Variants in MCF2L observed in about 807,000 individuals in gnomAD.
The protein encoded by MCF2L is guanine nucleotide exchange factor DBS.
In MCF2L, 97 loss-of-function variants were observed where a neutral mutation model predicts 153.4. That is an observed-to-expected ratio of 0.63 (90% confidence interval 0.54 to 0.75). The LOEUF is 0.75. Among genes scored for constraint, MCF2L ranks in the 30% least tolerant of loss-of-function variants. MCF2L has a pLI of 0.00. For missense variants in MCF2L, 1,347 were observed against 1,495.2 expected, an observed-to-expected ratio of 0.90 and a Z score of 1.64; for synonymous variants, 659 against 632.2, an observed-to-expected ratio of 1.04 and a Z score of -0.64.
chr13:112,917,009 A>G lies in MCF2L; in HGVS notation c.169+14638A>G. ...TCCCTCTTCCCACTCCAGGGCAGTC[A>G]TCCTCCCTCATCGCCAAGTCTGAGT... On this transcript the variant is annotated intron_variant, in intron 2 of 29. Transcript: ENST00000375608. The G allele has an allele frequency of 6.5e-6, 3 of 462,508 alleles. No individual in the cohort carries two copies. In the East Asian group the frequency reaches 2.1e-4, roughly 32 times the overall value. 28.7% of individuals were successfully genotyped at this position (462,508 alleles called of 1,614,324 possible). A position where few individuals can be genotyped will look rare whatever the true frequency, so the allele number is the denominator to read the frequency against.
Position 113,060,639 on chromosome 13 carries a change from C to T in MCF2L, c.416C>T (p.Thr139Met), listed in dbSNP as rs768781714. 2.7e-5 allele frequency: 44 copies of T among 1,613,558 alleles called. No homozygotes were observed. Among genetic ancestry groups the T allele is most frequent in the Non-Finnish European group, 3.3e-5 (39 of 1,179,990 alleles). Residue 139 changes from threonine (T) to methionine (M), a missense_variant, in exon 5 of 30, where the codon ACG (threonine) becomes ATG (methionine). By Grantham distance (81) the Thr-to-Met change is moderately conservative (BLOSUM62 -1). This residue lies in a region of MCF2L where 820 missense variants were observed against 921.2 expected (regional missense o/e 0.89). Coordinates refer to ENST00000535094, the MANE Select transcript of MCF2L (RefSeq NM_001112732.3). ...CAGCTCGTCCTCGTGCTTCGCCCGA[C>T]GGGTTTTTTCCAAAGGACTCTCTCC... ...NLQLVLVLRP[T>M]GFFQRTLSDI...
intron 21 of MCF2L, among the ~76,000 whole-genome samples, chr13:113,086,584 G>A (rs2034657248): frequency 6.6e-6 from 1 of 152,200 alleles, no homozygotes; most frequent in African/African-American, 2.4e-5. Flanking sequence ...GCTCGGAGCA[G>A]ACGTGACTTC....
rs1322323256 is a variant in MCF2L, at chr13:113,057,228, CT to C, written c.370-3364del. Among the ~76,000 whole-genome samples the C allele has an allele frequency of 1.1e-4, 14 of 132,984 alleles. No individual in the cohort carries two copies. The South Asian group carries it at 1.5e-3, about 14-fold the overall frequency. 87.2% of individuals were successfully genotyped at this position (132,984 alleles called of 152,430 possible). A position where few individuals can be genotyped will look rare whatever the true frequency, so the allele number is the denominator to read the frequency against. ...TGTTTAGGTGCTGTGTGTTTGGGTA[CT>C]GAGTGGGTGCTGTGTTTAGGTGCTG... is the stretch of plus-strand genomic sequence containing the variant. On this transcript the variant is annotated intron_variant, in intron 4 of 29. Coordinates refer to ENST00000535094, the MANE Select transcript of MCF2L (RefSeq NM_001112732.3).
At chr13:112,930,817 A>T (rs2081455047) in intron 2 of MCF2L, among the ~76,000 whole-genome samples, 1 of 152,246 alleles carries the variant, frequency 6.6e-6, no homozygotes, top group Middle Eastern at 3.4e-3. Context: ...CGTGCCTGTA[A>T]TCCCAGCTAC....
intron 3 of MCF2L, among the ~76,000 whole-genome samples, chr13:113,038,231 C>T (rs138737545): frequency 2.6e-5 from 4 of 152,026 alleles, no homozygotes; most frequent in East Asian, 3.9e-4. Flanking sequence ...TTTGGGAGGC[C>T]GAGGTGGGTG....
chr13:113,064,584 A>G lies in MCF2L; in HGVS notation c.606+164A>G, dbSNP rs2032063286. 1.6e-6 allele frequency: 1 copy of G among 610,302 alleles called. No homozygotes were observed. The highest frequency in any genetic ancestry group is 2.7e-5 in the Admixed American group (1 of 36,872). The allele number at this position is 610,302 out of a possible 1,614,324, so 37.8% of individuals were successfully genotyped here. A position where few individuals can be genotyped will look rare whatever the true frequency, so the allele number is the denominator to read the frequency against. Reference sequence around the variant, plus strand: ...GGTCTCAGTGGACCTTAGTCATTGTAAAGAAGTAACGTGAGTCATAAGTTT... The same window carrying G: ...GGTCTCAGTGGACCTTAGTCATTGTGAAGAAGTAACGTGAGTCATAAGTTT... On this transcript the variant is annotated intron_variant, in intron 6 of 29. Transcript: ENST00000535094. The surrounding 1 kb of genome is among the most constrained non-coding windows in gnomAD (Gnocchi z 6.0).
rs1191053853 is a variant in MCF2L at position 113,046,327 on chromosome 13, G to A, written c.369+966G>A. 2.3e-5 allele frequency: 7 copies of A among 307,070 alleles called. No homozygotes were observed. Among genetic ancestry groups the A allele is most frequent in the African/African-American group, 1.3e-4 (6 of 44,824 alleles). 19.0% of individuals were successfully genotyped at this position (307,070 alleles called of 1,614,324 possible). A position where few individuals can be genotyped will look rare whatever the true frequency, so the allele number is the denominator to read the frequency against. On this transcript the variant is annotated intron_variant, in intron 4 of 29. Coordinates refer to ENST00000535094, the MANE Select transcript of MCF2L (RefSeq NM_001112732.3). The surrounding 1 kb of genome is among the most constrained non-coding windows in gnomAD (Gnocchi z 4.4). ...CAGGCACCTGCATGTTCTCACGCCC[G>A]CCACAGCCCGTCCCTCCCAGGCTCT...
chr13:113,079,813 C>T (rs2033912394), intron 15 of MCF2L, among the ~76,000 whole-genome samples: 1 of 41,254 alleles, frequency 2.4e-5, no homozygotes, highest in Non-Finnish European at 5.6e-5. Context: ...AGAGGAATGT[C>T]TGAATGGAGG....
At position 113,027,061 on chromosome 13, in the gene MCF2L, T is replaced by A; in HGVS notation, c.278+2303T>A. ...CACACACCAAGTAAAAACAGAAATA[T>A]CCTTAAATATGGCATCTGTATCCCG... On this transcript the variant is annotated intron_variant, in intron 3 of 29. Transcript: ENST00000535094. The surrounding 1 kb of genome is among the most constrained non-coding windows in gnomAD (Gnocchi z 4.8). 1 of 770,632 alleles carries A rather than the reference T, an allele frequency of 1.3e-6. No homozygotes were observed. Among genetic ancestry groups the A allele is most frequent in the East Asian group, 2.4e-5 (1 of 41,190 alleles). The allele number at this position is 770,632 out of a possible 1,614,324, so 47.7% of individuals were successfully genotyped here.
intron 5 of MCF2L, among the ~76,000 whole-genome samples, chr13:113,063,131 AC>A: frequency 6.6e-6 from 1 of 152,350 alleles, no homozygotes; most frequent in East Asian, 1.9e-4. Context: ...CTCCAACAGC[AC>A]CATTTGCTGC....
rs972578308 is a variant in MCF2L at position 113,098,725 on chromosome 13, G to A, written c.*1866G>A. ...ACCGCTTTGCTTTCTTCTGTCAGAC[G>A]GCGATGATGACAAAATAGCAACAAG... On this transcript the variant is annotated 3_prime_UTR_variant, in exon 30 of 30. Transcript: ENST00000535094. The A allele has an allele frequency of 1.3e-5, 2 of 152,258 alleles. No individual in the cohort carries two copies. Among genetic ancestry groups the A allele is most frequent in the Admixed American group, 6.5e-5 (1 of 15,288 alleles). The allele number at this position is 152,258 out of a possible 1,614,324, so 9.4% of individuals were successfully genotyped here. A position where few individuals can be genotyped will look rare whatever the true frequency, so the allele number is the denominator to read the frequency against.
At chr13:113,073,293 T>C (rs572687884) in intron 9 of MCF2L, among the ~76,000 whole-genome samples, 58 of 152,358 alleles carry the variant, frequency 3.8e-4, no homozygotes, top group African/African-American at 1.3e-3. Context: ...ATTCTGCTAT[T>C]GTTAGGTGAA....
At chr13:113,091,052 C>T in intron 26 of MCF2L, 1 of 1,296,662 alleles carries the variant, frequency 7.7e-7, no homozygotes, top group South Asian at 1.2e-5. Context: ...GGGTCAGCCT[C>T]CTCGCCGCCT....
intron 15 of MCF2L, among the ~76,000 whole-genome samples, chr13:113,080,961 T>G (rs1057066836): frequency 2.6e-5 from 4 of 152,146 alleles, no homozygotes; most frequent in African/African-American, 4.8e-5. Flanking sequence ...AGGCGGTGTG[T>G]GCCGGGCCAG....
rs377341585 is a variant in MCF2L at position 113,096,898 on chromosome 13, C to T, written c.*39C>T. On this transcript the variant is annotated 3_prime_UTR_variant, in exon 30 of 30. Coordinates refer to ENST00000535094, the MANE Select transcript of MCF2L (RefSeq NM_001112732.3). Reference sequence around the variant, plus strand: ...CCGGAGACCCGCGCGCTGTCTGGGGCTGCGGTGGCGTGGGGAGGGCGCGGC... The same window carrying T: ...CCGGAGACCCGCGCGCTGTCTGGGGTTGCGGTGGCGTGGGGAGGGCGCGGC... The T allele has an allele frequency of 1.0e-3, 1,350 of 1,306,448 alleles. 3 individuals carry two copies. Among genetic ancestry groups the T allele is most frequent in the Non-Finnish European group, 1.2e-3 (1,248 of 1,022,280 alleles). The allele number at this position is 1,306,448 out of a possible 1,614,324, so 80.9% of individuals were successfully genotyped here. A position where few individuals can be genotyped will look rare whatever the true frequency, so the allele number is the denominator to read the frequency against.
At chr13:113,024,621 GT>G in intron 2 of MCF2L, 22 bp from the exon 3 acceptor site, 1 of 1,554,596 alleles carries the variant, frequency 6.4e-7, no homozygotes, top group Non-Finnish European at 8.9e-7. Flanking sequence ...TCGGCTAAGG[GT>G]CTGCCTCTGG....
rs147753179 is a variant in MCF2L at position 112,953,856 on chromosome 13, A to G, written c.169+51485A>G. Among the ~76,000 whole-genome samples, 348 of 152,348 alleles carry G rather than the reference A, an allele frequency of 2.3e-3. 1 individual carries two copies. Among genetic ancestry groups the G allele is most frequent in the African/African-American group, 7.9e-3 (329 of 41,576 alleles). Reference sequence around the variant, plus strand: ...GGGTCAGACGGCAAAGGCAGGGAAGACGAGGAGGCTGCCAGGGCCCTGCTG... The same window carrying G: ...GGGTCAGACGGCAAAGGCAGGGAAGGCGAGGAGGCTGCCAGGGCCCTGCTG... On this transcript the variant is annotated intron_variant, in intron 2 of 29. Transcript: ENST00000375608.
chr13:112,969,393 T>C lies in MCF2L; in HGVS notation c.14T>C (p.Leu5Pro), dbSNP rs745761759. 1.3e-6 allele frequency: 2 copies of C among 1,550,338 alleles called. No homozygotes were observed. Among genetic ancestry groups the C allele is most frequent in the East Asian group, 2.4e-5 (1 of 40,892 alleles). Reference sequence around the variant, plus strand: ...TTGTGTCGGAGGATGAGGTTTTGGCTGAGGACTGAAGAGATGGCCTTGGAA... The same window carrying C: ...TTGTGTCGGAGGATGAGGTTTTGGCCGAGGACTGAAGAGATGGCCTTGGAA... MRFW[L>P]RTEEMALEEM... is the part of the protein sequence containing the mutation. The change falls in exon 1 of 30, where the codon CTG becomes CCG. Residue 5 changes from leucine (L) to proline (P), a missense_variant. This residue lies in a region of MCF2L where 820 missense variants were observed against 921.2 expected (regional missense o/e 0.89). Coordinates refer to ENST00000535094, the MANE Select transcript of MCF2L (RefSeq NM_001112732.3). The surrounding 1 kb of genome is among the most constrained non-coding windows in gnomAD (Gnocchi z 4.8).
intron 2 of MCF2L, among the ~76,000 whole-genome samples, chr13:112,926,952 G>A (rs556702655): frequency 6.6e-6 from 1 of 152,294 alleles, no homozygotes; most frequent in South Asian, 2.1e-4. Context: ...TAATTAGCTC[G>A]ATTTAGCCTT....
Sources: allele counts gnomAD v4.1 joint callset (sites outside exome capture counted in the v4.1 genomes callset), GRCh38; gene constraint gnomAD v4.1.1; regional missense constraint gnomAD v4.1.1; non-coding constraint Gnocchi (gnomAD v3.1); transcripts MANE v1.5; gene names NCBI Gene and HGNC (gene_info 2026-07-23, HGNC 2026-07-21).